Variants in ZNF559 observed in about 807,000 individuals in gnomAD.
ZNF559 encodes the protein putative protein product of Nbla00121.
Under a neutral mutation model 14.2 loss-of-function variants are expected in ZNF559, and 17 were observed. That is an observed-to-expected ratio of 1.20 (90% CI 0.82 to 1.80). The LOEUF is 1.80. Among genes scored for constraint, ZNF559 ranks in the 40% most tolerant of loss-of-function variants. ZNF559 has a pLI of 0.00. For synonymous variants in ZNF559, 244 were observed against 212.4 expected (o/e 1.15, Z -1.29); for missense variants, 740 against 629.7 (o/e 1.18, Z -1.88).
chr19:9,325,773 G>A (rs1039042470), intron 2 of ZNF559, among the ~76,000 whole-genome samples: 1 of 125,634 alleles, frequency 8.0e-6, no homozygotes, highest in Admixed American at 8.6e-5. Flanking sequence ...GCAACAGTGC[G>A]AGACTCCGTC....
Position 9,344,595 on chromosome 19 carries a change from G to A in ZNF559, c.*1527G>A, listed in dbSNP as rs1322932178. On this transcript the variant is annotated 3_prime_UTR_variant, in exon 7 of 7. Transcript: ENST00000603380. ...GTCAGGGAGGCAGAGGTTGCAGTGA[G>A]CCCTGATCGTGCCACTACACTCTAG... 6.6e-6 allele frequency: 1 copy of A among 152,094 alleles called. No individual in the cohort carries two copies. Among genetic ancestry groups the A allele is most frequent in the Non-Finnish European group, 1.5e-5 (1 of 68,066 alleles). 9.4% of individuals were successfully genotyped at this position (152,094 alleles called of 1,614,324 possible). A position where few individuals can be genotyped will look rare whatever the true frequency, so the allele number is the denominator to read the frequency against.
chr19:9,345,581 C>T lies in ZNF559; in HGVS notation c.*2513C>T, dbSNP rs1197028808. 1 of 151,998 alleles carries T rather than the reference C, an allele frequency of 6.6e-6. No individual in the cohort carries two copies. Among genetic ancestry groups the T allele is most frequent in the Non-Finnish European group, 1.5e-5 (1 of 67,998 alleles). The allele number at this position is 151,998 out of a possible 1,614,324, so 9.4% of individuals were successfully genotyped here. Reference sequence around the variant, plus strand: ...TACATGGTTTCACGTGCTTACTGGCCTTCTTTAAGCCTTTGGGGAAGAGTC... The same window carrying T: ...TACATGGTTTCACGTGCTTACTGGCTTTCTTTAAGCCTTTGGGGAAGAGTC... On this transcript the variant is annotated 3_prime_UTR_variant, in exon 7 of 7. Transcript: ENST00000603380.
chr19:9,339,787 G>A (rs1339818954), intron 5 of ZNF559, among the ~76,000 whole-genome samples: 1 of 92,082 alleles, frequency 1.1e-5, no homozygotes, highest in African/African-American at 4.2e-5. Context: ...TTTTTTTTTT[G>A]AGACAGAGTC....
chr19:9,330,085 T>C (rs772040328), intron 2 of ZNF559: 2 of 152,244 alleles, frequency 1.3e-5, no homozygotes, highest in Non-Finnish European at 2.9e-5. Context: ...CTGGCTGTTT[T>C]GTAGTTTTTA....
intron 1 of ZNF559, chr19:9,324,429 C>A (rs2066450875): frequency 1.4e-6 from 2 of 1,441,386 alleles, no homozygotes; most frequent in Non-Finnish European, 1.8e-6. Flanking sequence ...GTCGAGGCGG[C>A]TGCGCTGGGG....
In ZNF559 at chr19:9,343,952, A is replaced by G; in HGVS notation, c.*884A>G. 1 of 394,928 alleles carries G rather than the reference A, an allele frequency of 2.5e-6. No individual in the cohort carries two copies. Among genetic ancestry groups the G allele is most frequent in the South Asian group, 1.1e-4 (1 of 9,520 alleles). The allele number at this position is 394,928 out of a possible 1,614,324, so 24.5% of individuals were successfully genotyped here. Reference sequence around the variant, plus strand: ...ACTACTACACTTCCCTAGTCTTTAAAACAATTTTAGGCTGGGTGCAGTGGC... The same window carrying G: ...ACTACTACACTTCCCTAGTCTTTAAGACAATTTTAGGCTGGGTGCAGTGGC... On this transcript the variant is annotated 3_prime_UTR_variant, in exon 7 of 7. Coordinates refer to ENST00000603380, the MANE Select transcript of ZNF559 (RefSeq NM_032497.3).
rs978175262 is a variant in ZNF559, at chr19:9,345,660, T to TA, written c.*2592_*2593insA. 30 of 151,276 alleles carry TA rather than the reference T, an allele frequency of 2.0e-4. No individual in the cohort carries two copies. The highest frequency in any genetic ancestry group is 5.6e-4 in the African/African-American group (23 of 41,262). 9.4% of individuals were successfully genotyped at this position (151,276 alleles called of 1,614,324 possible). A position where few individuals can be genotyped will look rare whatever the true frequency, so the allele number is the denominator to read the frequency against. ...GCTTTATTTTTTATTTATTTTTATT[T>TA]TTTTTTATATAGAGACAGGGTTTTA... On this transcript the variant is annotated 3_prime_UTR_variant, in exon 7 of 7. Coordinates refer to ENST00000603380, the MANE Select transcript of ZNF559 (RefSeq NM_032497.3).
At chr19:9,331,085 C>A (rs1232766494) in intron 2 of ZNF559, among the ~76,000 whole-genome samples, 1 of 152,308 alleles carries the variant, frequency 6.6e-6, no homozygotes, top group African/African-American at 2.4e-5. Context: ...TGTGATTTTT[C>A]TCAGTCATAC....
At chr19:9,341,447 G>A (rs1245907922) in intron 6 of ZNF559, 16 of 792,288 alleles carry the variant, frequency 2.0e-5, no homozygotes, top group Non-Finnish European at 3.4e-5. Flanking sequence ...CTCTTGGGCC[G>A]TTATCAGCTA....
chr19:9,324,618 A>ACCC lies in ZNF559; in HGVS notation c.-205-68_-205-66dup, dbSNP rs35401044. ...AGACCAGGCAGGGCAACATAGGGAG[A>ACCC]CCCCCCCCCCCAACCATCTCTAATG... On this transcript the variant is annotated intron_variant, in intron 1 of 6. Transcript: ENST00000603380. 7.0e-4 allele frequency: 498 copies of ACCC among 711,310 alleles called. 16 individuals are homozygous for ACCC. In the African/African-American group the frequency reaches 0.012, roughly 17 times the overall value. The allele number at this position is 711,310 out of a possible 1,614,324, so 44.1% of individuals were successfully genotyped here. A position where few individuals can be genotyped will look rare whatever the true frequency, so the allele number is the denominator to read the frequency against.
Position 9,332,355 on chromosome 19 carries a change from G to GTA in ZNF559, c.-119-5427_-119-5426dup, listed in dbSNP as rs1555728482. Among the ~76,000 whole-genome samples the GTA allele has an allele frequency of 1.9e-3, 281 of 150,030 alleles. 3 individuals are homozygous for GTA. The East Asian group carries it at 0.024, about 13-fold the overall frequency. ...GAGGTATACATATGTATGTGTGTGT[G>GTA]TATATATATATATATCACTGTATTC... On this transcript the variant is annotated intron_variant, in intron 2 of 6. Coordinates refer to ENST00000603380, the MANE Select transcript of ZNF559 (RefSeq NM_032497.3).
intron 5 of ZNF559, 39 bp from the exon 6 acceptor site, chr19:9,341,063 T>C: frequency 6.6e-7 from 1 of 1,506,008 alleles, no homozygotes; most frequent in Non-Finnish European, 9.1e-7. Flanking sequence ...AAAATCATTA[T>C]TTCTCTAAGA....
intron 2 of ZNF559, among the ~76,000 whole-genome samples, chr19:9,327,158 A>G (rs543309469): frequency 6.6e-6 from 1 of 152,310 alleles, no homozygotes; most frequent in South Asian, 2.1e-4. Context: ...ATAGTAATCT[A>G]TAAGTGATAC....
In ZNF559 at chr19:9,325,844, T is replaced by C. The variant is rs1425755210; in HGVS notation, c.-120+1064T>C. The stretch of plus-strand genomic sequence containing the variant: ...TACATTCACTAGTTGTTAAGATTTG[T>C]TTCATTTTTTTGTATATGTACTTTA... On this transcript the variant is annotated intron_variant, in intron 2 of 6. Transcript: ENST00000603380. 2.0e-5 allele frequency among the ~76,000 whole-genome samples: 3 copies of C among 152,128 alleles called. No homozygotes were observed. In the East Asian group the frequency reaches 5.8e-4, roughly 29 times the overall value.
chr19:9,328,209 A>G (rs2066734852), intron 2 of ZNF559, among the ~76,000 whole-genome samples: 1 of 152,006 alleles, frequency 6.6e-6, no homozygotes, highest in African/African-American at 2.4e-5. Context: ...TATTACTACC[A>G]TTACTTTATT....
intron 2 of ZNF559, among the ~76,000 whole-genome samples, chr19:9,336,259 A>G (rs2067232559): frequency 6.6e-6 from 1 of 152,114 alleles, no homozygotes; most frequent in African/African-American, 2.4e-5. Flanking sequence ...TTATCCATTC[A>G]TCTATTTTTT....
At position 9,342,378 on chromosome 19, in the gene ZNF559, C is replaced by A. The variant is rs1465836888; in HGVS notation, c.927C>A (p.Phe309Leu). The change falls in exon 7 of 7, where the codon TTC (phenylalanine) becomes TTA (leucine). Residue 309 changes from phenylalanine (F) to leucine (L), a missense_variant. Transcript: ENST00000603380. ...AATGTGGCAAAGAATTTACTTGTTTCTCAAAACTCAACATTCACATAAGGG... is the reference window on the plus strand; with the variant it reads ...AATGTGGCAAAGAATTTACTTGTTTATCAAAACTCAACATTCACATAAGGG... Reference protein sequence around the residue: ...CNECGKEFTCFSKLNIHIRVH... With the variant: ...CNECGKEFTCLSKLNIHIRVH... The A allele has an allele frequency of 6.2e-7, 1 of 1,610,330 alleles. No homozygotes were observed. Among genetic ancestry groups the A allele is most frequent in the Admixed American group, 1.7e-5 (1 of 59,322 alleles).
chr19:9,339,415 T>C, intron 5 of ZNF559, 96 bp downstream of exon 5: 1 of 1,393,132 alleles, frequency 7.2e-7, no homozygotes, highest in Non-Finnish European at 9.7e-7. Flanking sequence ...TGGGCTGCAT[T>C]GGTAAACAGG....
chr19:9,342,460 T>C lies in ZNF559; in HGVS notation c.1009T>C (p.Ser337Pro). ...CAAATGTGGGAAAGCCTTCACTGATTCATCAGGTCTTATAAAACACAGGCG... is the reference window on the plus strand; with the variant it reads ...CAAATGTGGGAAAGCCTTCACTGATCCATCAGGTCTTATAAAACACAGGCG... ...CNKCGKAFTD[S>P]SGLIKHRRTH... Residue 337 changes from serine (S) to proline (P), a missense_variant, in exon 7 of 7, where the codon TCA becomes CCA. Coordinates refer to ENST00000603380, the MANE Select transcript of ZNF559 (RefSeq NM_032497.3). 6.2e-7 allele frequency: 1 copy of C among 1,614,150 alleles called. No individual in the cohort carries two copies. The highest frequency in any genetic ancestry group is 8.5e-7 in the Non-Finnish European group (1 of 1,180,022).
Sources: gnomAD v4.1 joint callset for allele counts (sites outside exome capture counted in the v4.1 genomes callset) on GRCh38, gnomAD v4.1.1 for gene constraint, MANE v1.5 for transcripts, NCBI Gene and HGNC (gene_info 2026-07-23, HGNC 2026-07-21) for gene names.